The following CACNA1C variants were observed in gnomAD, a reference collection of about 807,000 sequenced individuals.
CACNA1C encodes the protein calcium voltage-gated channel subunit alpha1 C.
A neutral mutation model predicts 229.0 loss-of-function variants in CACNA1C; 30 were observed. That is an observed-to-expected ratio of 0.13 (90% CI 0.10 to 0.18). CACNA1C has a LOEUF of 0.18. Among genes scored for constraint, CACNA1C ranks in the 10% least tolerant of loss-of-function variants. The pLI is 1.00. For synonymous variants in CACNA1C, 1,114 were observed against 1,132.5 expected, an observed-to-expected ratio of 0.98 and a Z score of 0.33; for missense variants, 1,658 against 2,845.0, an observed-to-expected ratio of 0.58 and a Z score of 9.49.
At chr12:2,207,373 G>T (rs2097782100) in intron 3 of CACNA1C, among the ~76,000 whole-genome samples, 1 of 152,162 alleles carries the variant, frequency 6.6e-6, no homozygotes, top group Non-Finnish European at 1.5e-5. Context: ...CATTGTGATA[G>T]TTTGTGTGAT....
Position 2,312,542 on chromosome 12 carries a change from C to T in CACNA1C, c.478-136434C>T, listed in dbSNP as rs2095493884. Among the ~76,000 whole-genome samples the T allele has an allele frequency of 2.0e-5, 3 of 152,186 alleles. No homozygotes were observed. In the South Asian group the frequency reaches 6.2e-4, roughly 31 times the overall value. ...AATACTCTTTGTGTCCCGCCAGAAC[C>T]TCCTCCTCTTCTCTTCAGTTTCTTC... On this transcript the variant is annotated intron_variant, in intron 3 of 46. Coordinates refer to ENST00000399655, the MANE Select transcript of CACNA1C (RefSeq NM_000719.7).
intron 3 of CACNA1C, among the ~76,000 whole-genome samples, chr12:2,421,960 T>C (rs2098983716): frequency 6.6e-6 from 1 of 151,724 alleles, no homozygotes; most frequent in Admixed American, 6.6e-5. Context: ...ATGGCCATGC[T>C]AGGACATGGG....
At chr12:2,386,758 C>T (rs546799997) in intron 3 of CACNA1C, among the ~76,000 whole-genome samples, 20 of 152,292 alleles carry the variant, frequency 1.3e-4, no homozygotes, top group Admixed American at 7.2e-4. Context: ...AGGGCAAGGG[C>T]GTGCCCTGTT....
At chr12:2,010,980 C>G (rs2154483105) in intron 1 of CACNA1C, 1 of 151,950 alleles carries the variant, frequency 6.6e-6, no homozygotes, top group Non-Finnish European at 1.5e-5. Flanking sequence ...AAAACCCTGT[C>G]TCTACTAAAA....
chr12:2,081,430 G>A (rs1747020174), intron 1 of CACNA1C, among the ~76,000 whole-genome samples: 1 of 152,132 alleles, frequency 6.6e-6, no homozygotes, highest in Admixed American at 6.5e-5. Flanking sequence ...AATTAGCCGA[G>A]CATATTGGCG....
intron 38 of CACNA1C, among the ~76,000 whole-genome samples, chr12:2,669,703 C>T (rs533857582): frequency 6.6e-6 from 1 of 152,280 alleles, no homozygotes; most frequent in Admixed American, 6.5e-5. Flanking sequence ...CAAGTGGTGG[C>T]CGTGGTGGAG....
intron 30 of CACNA1C, among the ~76,000 whole-genome samples, chr12:2,644,226 C>A (rs1234048344): frequency 6.6e-6 from 1 of 152,184 alleles, no homozygotes; most frequent in Non-Finnish European, 1.5e-5. Flanking sequence ...TGGAATTGGG[C>A]AGCCGTTTTC....
At chr12:2,085,622 A>G (rs2067283410) in intron 1 of CACNA1C, among the ~76,000 whole-genome samples, 1 of 152,052 alleles carries the variant, frequency 6.6e-6, no homozygotes, top group East Asian at 1.9e-4. Context: ...ATACCTCATA[A>G]TACACCCCTC....
intron 3 of CACNA1C, among the ~76,000 whole-genome samples, chr12:2,386,013 G>A (rs769279978): frequency 4.6e-5 from 7 of 152,134 alleles, no homozygotes; most frequent in Admixed American, 2.6e-4. Context: ...AAAAACAAAG[G>A]TAATACATAC....
rs533343406 is a variant in CACNA1C, at chr12:2,331,172, T to TA, written c.478-117798dup. ...GAAGTGTTCAACCTCAGCAATAATTTAAAAAATTCTAATTTAAAAAGAAAT... is the reference window on the plus strand; with the variant it reads ...GAAGTGTTCAACCTCAGCAATAATTTAAAAAAATTCTAATTTAAAAAGAAAT... On this transcript the variant is annotated intron_variant, in intron 3 of 46. Coordinates refer to ENST00000399655, the MANE Select transcript of CACNA1C (RefSeq NM_000719.7). Among the ~76,000 whole-genome samples, 180 of 152,290 alleles carry TA rather than the reference T, an allele frequency of 1.2e-3. 1 individual carries two copies. Among genetic ancestry groups the TA allele is most frequent in the African/African-American group, 4.1e-3 (170 of 41,568 alleles).
intron 9 of CACNA1C, among the ~76,000 whole-genome samples, chr12:2,527,084 G>A (rs1247981424): frequency 6.6e-6 from 1 of 152,138 alleles, no homozygotes; most frequent in Non-Finnish European, 1.5e-5. Context: ...AGAAAGTAAG[G>A]ATATTAAGAC....
chr12:2,666,741 C>T lies in CACNA1C; in HGVS notation c.4582C>T (p.Leu1528=), dbSNP rs2153713290. The T allele has an allele frequency of 6.2e-7, 1 of 1,607,116 alleles. No individual in the cohort carries two copies. Among genetic ancestry groups the T allele is most frequent in the South Asian group, 1.1e-5 (1 of 89,158 alleles). The change falls in exon 37 of 47, where the codon CTA becomes TTA. Residue 1528 remains leucine, a synonymous_variant. Transcript: ENST00000399655. The surrounding 1 kb of genome is among the most constrained non-coding windows in gnomAD (Gnocchi z 5.3). ...CCTCCTCCGGCGGATTCAGCCGCCA[C>T]TAGGTTTTGGGAAGCTGTGCCCTCA... ...VTLLRRIQPP[L]GFGKLCPHRV...
chr12:2,332,121 A>G (rs1166868715), intron 3 of CACNA1C, among the ~76,000 whole-genome samples: 2 of 152,242 alleles, frequency 1.3e-5, no homozygotes, highest in Non-Finnish European at 2.9e-5. Flanking sequence ...ATTTAGGCAT[A>G]AAGGACATCC....
chr12:2,331,029 C>T (rs11062190), intron 3 of CACNA1C, among the ~76,000 whole-genome samples: 15,373 of 152,190 alleles, frequency 0.1, 867 homozygotes, highest in South Asian at 0.14. Context: ...TGGGAAAGTA[C>T]TTACCACGAA....
At chr12:2,117,599 C>T (rs2084497713) in intron 2 of CACNA1C, among the ~76,000 whole-genome samples, 1 of 152,274 alleles carries the variant, frequency 6.6e-6, no homozygotes, top group Non-Finnish European at 1.5e-5. Flanking sequence ...CCAGGTTCCC[C>T]TGACCCCGAA....
chr12:2,212,690 T>A (rs1024580614), intron 3 of CACNA1C, among the ~76,000 whole-genome samples: 10 of 152,198 alleles, frequency 6.6e-5, no homozygotes, highest in Non-Finnish European at 1.5e-4. Flanking sequence ...TTGAGTCAGT[T>A]GCCCCTTCCC....
chr12:2,378,624 G>T (rs1430348959), intron 3 of CACNA1C, among the ~76,000 whole-genome samples: 2 of 152,220 alleles, frequency 1.3e-5, no homozygotes, highest in Non-Finnish European at 2.9e-5. Context: ...GGTCTACTTT[G>T]TATTGTCATC....
intron 3 of CACNA1C, among the ~76,000 whole-genome samples, chr12:2,417,449 C>T (rs933130674): frequency 3.9e-5 from 6 of 152,104 alleles, no homozygotes; most frequent in African/African-American, 7.2e-5. Context: ...CTTCCCTGGC[C>T]GCTGTTTACC....
chr12:2,313,130 G>A (rs187999751), intron 3 of CACNA1C, among the ~76,000 whole-genome samples: 49 of 152,282 alleles, frequency 3.2e-4, no homozygotes, highest in Non-Finnish European at 4.0e-4. Flanking sequence ...TGGTAAGGCC[G>A]CCCTGAGTCC....
Sources: gnomAD v4.1 joint callset for allele counts (sites outside exome capture counted in the v4.1 genomes callset) on GRCh38, gnomAD v4.1.1 for gene constraint, Gnocchi (gnomAD v3.1) non-coding constraint, MANE v1.5 for transcripts, NCBI Gene and HGNC (gene_info 2026-07-23, HGNC 2026-07-21) for gene names.